CIROZ: variants seen among roughly 807,000 people sequenced by gnomAD.
CIROZ encodes the protein ciliated left-right organizer protein containing ZP-N domains.
At chr1:10,968,930 T>C in the CIROZ span, among the ~76,000 whole-genome samples, 1 of 152,258 alleles carries the variant, frequency 6.6e-6, no homozygotes, top group Non-Finnish European at 1.5e-5. Context: ...TATTAATCTA[T>C]TGTTTTCCAT....
At chr1:10,952,212 G>A in the CIROZ span, among the ~76,000 whole-genome samples, 3 of 152,176 alleles carry the variant, frequency 2.0e-5, no homozygotes, top group Non-Finnish European at 4.4e-5. Context: ...AAGCTGCAGG[G>A]AAGCTGCTGG....
At chr1:10,949,866 C>A in the CIROZ span, 1 of 1,456,242 alleles carries the variant, frequency 6.9e-7, no homozygotes, top group South Asian at 1.4e-5. Flanking sequence ...GCAAAATCCT[C>A]CCAACACCCT....
chr1:10,968,840 C>A, the CIROZ span, among the ~76,000 whole-genome samples: 1 of 152,178 alleles, frequency 6.6e-6, no homozygotes, highest in Non-Finnish European at 1.5e-5. Flanking sequence ...CTTAAAACTT[C>A]TTTATAATAA....
the CIROZ span, among the ~76,000 whole-genome samples, chr1:10,975,174 G>A: frequency 2.0e-5 from 3 of 152,140 alleles, no homozygotes; most frequent in East Asian, 1.9e-4. Flanking sequence ...CTGGTAGGCC[G>A]AGGCGGGTGG....
the CIROZ span, chr1:10,966,414 A>G: frequency 1.3e-6 from 2 of 1,536,930 alleles, no homozygotes; most frequent in Non-Finnish European, 8.7e-7. Context: ...TCACCGTCTG[A>G]AGCCAGATGC....
chr1:10,972,104 A>C, the CIROZ span, among the ~76,000 whole-genome samples: 7 of 152,228 alleles, frequency 4.6e-5, no homozygotes, highest in African/African-American at 1.4e-4. Context: ...CAAGTACTCT[A>C]GTACAGAACA....
the CIROZ span, among the ~76,000 whole-genome samples, chr1:10,972,957 A>AT: frequency 1.3e-5 from 2 of 152,080 alleles, no homozygotes; most frequent in Admixed American, 1.3e-4. Context: ...TTAAAATAAA[A>AT]AAAAAAAGAG....
the CIROZ span, among the ~76,000 whole-genome samples, chr1:10,977,483 C>CAATA: frequency 6.7e-3 from 1,021 of 151,968 alleles, 13 homozygotes; most frequent in African/African-American, 0.022. Context: ...ACTCCATCTC[C>CAATA]AATAAATAAA....
chr1:10,953,931 A>G, the CIROZ span: 1 of 1,483,188 alleles, frequency 6.7e-7, no homozygotes, highest in Non-Finnish European at 9.0e-7. Flanking sequence ...ACATTGTCAC[A>G]GAAGAAAGAA....
chr1:10,978,890 G>A, the CIROZ span, among the ~76,000 whole-genome samples: 1 of 152,094 alleles, frequency 6.6e-6, no homozygotes, highest in Non-Finnish European at 1.5e-5. Context: ...AAAAGGAGAG[G>A]GGCAGGCAGG....
the CIROZ span, chr1:10,949,484 T>C: frequency 3.1e-6 from 3 of 971,662 alleles, no homozygotes; most frequent in South Asian, 3.2e-5. Context: ...GGTAACATGG[T>C]TGGGGATCAG....
chr1:10,967,088 G>A, the CIROZ span, among the ~76,000 whole-genome samples: 1 of 151,278 alleles, frequency 6.6e-6, no homozygotes, highest in East Asian at 1.9e-4. Flanking sequence ...GGTGGAGGCT[G>A]CAGTGAGCCA....
the CIROZ span, among the ~76,000 whole-genome samples, chr1:10,950,217 G>C: frequency 6.6e-6 from 1 of 151,836 alleles, no homozygotes; most frequent in African/African-American, 2.4e-5. Context: ...TGTATTTTTA[G>C]TAGAGATGGG....
chr1:10,948,605 G>C, the CIROZ span: 1 of 1,614,134 alleles, frequency 6.2e-7, no homozygotes, highest in Middle Eastern at 1.7e-4. Flanking sequence ...CTGAGGACAC[G>C]GGCAGGGTCA....
chr1:10,956,898 T>C, the CIROZ span: 29 of 806,924 alleles, frequency 3.6e-5, no homozygotes, highest in Admixed American at 7.1e-4. Flanking sequence ...ATAGCCAAGG[T>C]TGGGACTGAG....
chr1:10,964,874 G>A, the CIROZ span, among the ~76,000 whole-genome samples: 37 of 152,260 alleles, frequency 2.4e-4, no homozygotes, highest in Admixed American at 7.9e-4. Flanking sequence ...CAAGTGATCC[G>A]CTCATCTTGG....
At chr1:10,948,092 C>G in the CIROZ span, 23 of 1,613,356 alleles carry the variant, frequency 1.4e-5, no homozygotes, top group East Asian at 5.1e-4. Context: ...GTCCTGAACT[C>G]AGCCAGGCAC....
chr1:10,973,842 G>A, the CIROZ span, among the ~76,000 whole-genome samples: 5 of 152,240 alleles, frequency 3.3e-5, no homozygotes, highest in Non-Finnish European at 4.4e-5. Flanking sequence ...TTGTGCTCTT[G>A]GGGGAGGGCT....
At chr1:10,960,248 A>T in the CIROZ span, among the ~76,000 whole-genome samples, 2 of 152,030 alleles carry the variant, frequency 1.3e-5, no homozygotes, top group African/African-American at 2.4e-5. This position sits in a 1 kb window ranked among gnomAD's most constrained non-coding sequence, Gnocchi z 4.6. Context: ...AATAAAAAAT[A>T]AAAAAATTAG....
Sources: gnomAD v4.1 joint callset for allele counts (sites outside exome capture counted in the v4.1 genomes callset) on GRCh38, gnomAD v4.1.1 for gene constraint, Gnocchi (gnomAD v3.1) non-coding constraint, MANE v1.5 for transcripts, NCBI Gene and HGNC (gene_info 2026-07-23, HGNC 2026-07-21) for gene names.